Variants in ZBTB16 observed in about 807,000 individuals in gnomAD.
The protein encoded by ZBTB16 is zinc finger and BTB domain-containing protein 16.
In ZBTB16, 8 loss-of-function variants were observed where a neutral mutation model predicts 56.8. The ratio of observed to expected loss-of-function variants is 0.14; its 90% CI spans 0.08 to 0.25. ZBTB16 has a LOEUF of 0.25. ZBTB16 is among the 10% of genes least tolerant of loss of function. ZBTB16 has a pLI of 1.00. For synonymous variants in ZBTB16, 363 were observed against 368.5 expected, an observed-to-expected ratio of 0.98 and a Z score of 0.17; for missense variants, 625 against 903.0, an observed-to-expected ratio of 0.69 and a Z score of 3.95.
At chr11:114,089,641 CT>C (rs1565618980) in intron 2 of ZBTB16, among the ~76,000 whole-genome samples, 1 of 152,232 alleles carries the variant, frequency 6.6e-6, no homozygotes, top group Non-Finnish European at 1.5e-5. Flanking sequence ...GAGACAGAGG[CT>C]GCTGAAGTAG....
chr11:114,199,209 C>T (rs1368307504), intron 4 of ZBTB16, among the ~76,000 whole-genome samples: 43 of 143,558 alleles, frequency 3.0e-4, no homozygotes, highest in Non-Finnish European at 5.8e-4. Flanking sequence ...GGCCCCGGGA[C>T]GGGGATGACG....
At chr11:114,075,327 G>C (rs947917080) in intron 2 of ZBTB16, among the ~76,000 whole-genome samples, 1 of 152,154 alleles carries the variant, frequency 6.6e-6, no homozygotes, top group African/African-American at 2.4e-5. Flanking sequence ...ACTGGTGGTA[G>C]AGCAGTGTTG....
rs113913584 is a variant in ZBTB16 at position 114,088,735 on chromosome 11, A to G, written c.1268+24167A>G. Among the ~76,000 whole-genome samples, 418 of 152,372 alleles carry G rather than the reference A, an allele frequency of 2.7e-3. 3 individuals carry two copies. Among genetic ancestry groups the G allele is most frequent in the African/African-American group, 9.4e-3 (393 of 41,590 alleles). ...AGTACTGGTGGGGAAGGGCCCCAGA[A>G]GCAGGCCCAGACTCAGGTATTGTTA... On this transcript the variant is annotated intron_variant, in intron 2 of 6. Transcript: ENST00000335953.
At chr11:114,076,787 C>T (rs1222809237) in intron 2 of ZBTB16, among the ~76,000 whole-genome samples, 1 of 152,118 alleles carries the variant, frequency 6.6e-6, no homozygotes, top group African/African-American at 2.4e-5. Flanking sequence ...ATATAGGGCC[C>T]ATGTGCCTGG....
chr11:114,233,079 G>GCACACACACA (rs781149248), intron 4 of ZBTB16, among the ~76,000 whole-genome samples: 12 of 53,776 alleles, frequency 2.2e-4, no homozygotes, highest in African/African-American at 6.7e-4. Context: ...GCGCGCGCGC[G>GCACACACACA]CGCACACACA....
At position 114,250,950 on chromosome 11, in the gene ZBTB16, C is replaced by A. The variant is rs1409310699; in HGVS notation, c.*395C>A. 6.6e-6 allele frequency among the ~76,000 whole-genome samples: 1 copy of A among 152,144 alleles called. No individual in the cohort carries two copies. Among genetic ancestry groups the A allele is most frequent in the African/African-American group, 2.4e-5 (1 of 41,426 alleles). ...CACGGTCTGTGCCGGCCTTCCTCCACCAAGACCCCCAGGAGATGAAGGGAG... is the reference window on the plus strand; with the variant it reads ...CACGGTCTGTGCCGGCCTTCCTCCAACAAGACCCCCAGGAGATGAAGGGAG... On this transcript the variant is annotated 3_prime_UTR_variant, in exon 7 of 7. Transcript: ENST00000335953. The surrounding 1 kb of genome is among the most constrained non-coding windows in gnomAD (Gnocchi z 6.0).
intron 2 of ZBTB16, among the ~76,000 whole-genome samples, chr11:114,131,015 A>G (rs1941644356): frequency 6.6e-6 from 1 of 152,192 alleles, no homozygotes; most frequent in Non-Finnish European, 1.5e-5. Context: ...TTGATGTTTC[A>G]TGATCTTGCA....
At chr11:114,181,927 T>C (rs1377324961) in intron 3 of ZBTB16, among the ~76,000 whole-genome samples, 1 of 152,188 alleles carries the variant, frequency 6.6e-6, no homozygotes, top group Non-Finnish European at 1.5e-5. Context: ...CTGGCGAGGG[T>C]GTTCTCACGT....
chr11:114,065,431 T>C (rs1312007432), intron 2 of ZBTB16, among the ~76,000 whole-genome samples: 3 of 152,182 alleles, frequency 2.0e-5, no homozygotes, highest in Non-Finnish European at 4.4e-5. Context: ...TCTTTTTTTT[T>C]TGGATGTGAA....
chr11:114,078,183 C>T (rs1939635839), intron 2 of ZBTB16, among the ~76,000 whole-genome samples: 2 of 152,192 alleles, frequency 1.3e-5, no homozygotes, highest in South Asian at 4.1e-4. Flanking sequence ...CTTTTCTCCT[C>T]CTTCATGTGG....
rs1565657556 is a variant in ZBTB16, at chr11:114,158,831, T to C, written c.1366+2397T>C. ...ATGTCCAGCACACTGCCTGGCACAT[T>C]ATTGGTGCCAAGAAGTATTTGTTGA... On this transcript the variant is annotated intron_variant, in intron 3 of 6. Coordinates refer to ENST00000335953, the MANE Select transcript of ZBTB16 (RefSeq NM_006006.6). 2.0e-5 allele frequency among the ~76,000 whole-genome samples: 3 copies of C among 152,344 alleles called. No homozygotes were observed. The South Asian group carries it at 6.2e-4, about 32-fold the overall frequency.
chr11:114,240,204 GGT>G (rs536350204), intron 4 of ZBTB16, among the ~76,000 whole-genome samples: 26 of 152,250 alleles, frequency 1.7e-4, no homozygotes, highest in African/African-American at 5.1e-4. Context: ...TATCAGGGTG[GGT>G]GTGAGGGGCA....
chr11:114,237,042 GC>G (rs1159787321), intron 4 of ZBTB16, among the ~76,000 whole-genome samples: 2 of 152,204 alleles, frequency 1.3e-5, no homozygotes, highest in African/African-American at 4.8e-5. Flanking sequence ...GTGCAGGGCT[GC>G]CATGACTCAT....
At chr11:114,239,862 T>C (rs1591808510) in intron 4 of ZBTB16, among the ~76,000 whole-genome samples, 1 of 152,204 alleles carries the variant, frequency 6.6e-6, no homozygotes, top group African/African-American at 2.4e-5. Flanking sequence ...AGCCCCGTGG[T>C]TTCTGAAAGA....
In ZBTB16 at chr11:114,143,667, T is replaced by A. The variant is rs114246591; in HGVS notation, c.1269-12670T>A. On this transcript the variant is annotated intron_variant, in intron 2 of 6. Transcript: ENST00000335953. This position sits in a 1 kb window ranked among gnomAD's most constrained non-coding sequence, Gnocchi z 6.4. ...TATTGTAAGAGTGGGGCCAACGTCC[T>A]TGTGCATTGAGGCTCCAGCCTCTCT... Among the ~76,000 whole-genome samples the A allele has an allele frequency of 4.5e-3, 689 of 152,332 alleles. 7 individuals carry two copies. Among genetic ancestry groups the A allele is most frequent in the African/African-American group, 0.015 (632 of 41,574 alleles).
At chr11:114,212,153 G>A (rs1490584232) in intron 4 of ZBTB16, among the ~76,000 whole-genome samples, 1 of 152,016 alleles carries the variant, frequency 6.6e-6, no homozygotes, top group Non-Finnish European at 1.5e-5. Context: ...GGGATGGGGA[G>A]GGGGGAGTGT....
intron 4 of ZBTB16, among the ~76,000 whole-genome samples, chr11:114,195,199 C>G (rs1436486166): frequency 6.6e-6 from 1 of 152,222 alleles, no homozygotes; most frequent in African/African-American, 2.4e-5. Context: ...GATAACTTGG[C>G]TGCTGAGCTC....
chr11:114,093,128 C>G (rs1464884245), intron 2 of ZBTB16, among the ~76,000 whole-genome samples: 1 of 152,196 alleles, frequency 6.6e-6, no homozygotes, highest in Admixed American at 6.5e-5. Flanking sequence ...GTGGCCGAGT[C>G]TACATGGGGT....
intron 2 of ZBTB16, among the ~76,000 whole-genome samples, chr11:114,099,199 GGA>G (rs1314032483): frequency 1.3e-5 from 2 of 152,132 alleles, no homozygotes; most frequent in Non-Finnish European, 2.9e-5. Context: ...TCTTACTGGG[GGA>G]GAGAGAGGTG....
Sources: gnomAD v4.1 joint callset for allele counts (sites outside exome capture counted in the v4.1 genomes callset) on GRCh38, gnomAD v4.1.1 for gene constraint, Gnocchi (gnomAD v3.1) non-coding constraint, MANE v1.5 for transcripts, NCBI Gene and HGNC (gene_info 2026-07-23, HGNC 2026-07-21) for gene names.